Variants in TET3 observed in about 807,000 individuals in gnomAD.
TET3 encodes the protein tet methylcytosine dioxygenase 3.
Under a neutral mutation model 141.4 loss-of-function variants are expected in TET3, and 19 were observed. The ratio of observed to expected loss-of-function variants is 0.13; its 90% CI spans 0.09 to 0.20. TET3 has a LOEUF of 0.20. TET3 is among the 10% of genes least tolerant of loss of function. The pLI is 1.00. For missense variants in TET3, 1,874 were observed against 2,356.9 expected, an observed-to-expected ratio of 0.80 and a Z score of 4.24; for synonymous variants, 1,043 against 980.9, an observed-to-expected ratio of 1.06 and a Z score of -1.18.
intron 3 of TET3, among the ~76,000 whole-genome samples, chr2:74,039,170 C>T (rs1454374068): frequency 2.6e-5 from 4 of 152,192 alleles, no homozygotes; most frequent in Non-Finnish European, 4.4e-5. Flanking sequence ...CCTCCCCTGC[C>T]TTTGCGATCA....
At chr2:74,017,664 A>G (rs891937842) in intron 3 of TET3, among the ~76,000 whole-genome samples, 4 of 152,066 alleles carry the variant, frequency 2.6e-5, no homozygotes, top group African/African-American at 7.2e-5. Flanking sequence ...TCGATTCCAT[A>G]TCTTGGATGT....
chr2:74,065,939 A>T (rs1688875792), intron 4 of TET3, among the ~76,000 whole-genome samples: 1 of 151,900 alleles, frequency 6.6e-6, no homozygotes, highest in South Asian at 2.1e-4. Flanking sequence ...TTGTATTTTT[A>T]GTAGAGATGG....
chr2:74,032,160 A>G (rs529206759), intron 3 of TET3, among the ~76,000 whole-genome samples: 2 of 152,144 alleles, frequency 1.3e-5, no homozygotes, highest in Admixed American at 6.5e-5. Context: ...CTGAGCTGTC[A>G]GTGGGTTTTG....
chr2:74,110,034 G>A (rs766633783), downstream of TET3, among the ~76,000 whole-genome samples: 1 of 152,108 alleles, frequency 6.6e-6, no homozygotes, highest in Non-Finnish European at 1.5e-5. Context: ...TAAAAAAATT[G>A]CTACAGAAGT....
In TET3 at chr2:74,102,010, G is replaced by A; in HGVS notation, c.5222G>A (p.Gly1741Glu). 6.3e-7 allele frequency: 1 copy of A among 1,587,476 alleles called. No individual in the cohort carries two copies. The highest frequency in any genetic ancestry group is 1.1e-5 in the South Asian group (1 of 89,018). Residue 1741 changes from glycine (G) to glutamate (E), a missense_variant, in exon 12 of 12, where the codon GGG becomes GAG. Physicochemically the swap from Gly to Glu is moderately conservative, Grantham distance 98 (BLOSUM62 -2). Coordinates refer to ENST00000409262, the MANE Select transcript of TET3 (RefSeq NM_001287491.2). ...GGCCAGCAGGAGGCCAAGCTCTACG[G>A]GAAGAAGCGCAAGTGGGGGGGCACT... is the stretch of plus-strand genomic sequence containing the variant. ...GLGQQEAKLY[G>E]KKRKWGGTVV...
At chr2:74,012,742 G>A (rs1685525014) in intron 3 of TET3, among the ~76,000 whole-genome samples, 1 of 152,206 alleles carries the variant, frequency 6.6e-6, no homozygotes, top group East Asian at 1.9e-4. Flanking sequence ...CCACTTTAAT[G>A]TGAATGACTC....
At chr2:74,113,006 C>CAAAAAAAA (rs60299737), downstream of TET3, among the ~76,000 whole-genome samples, 6 of 34,396 alleles carry the variant, frequency 1.7e-4, 1 homozygote, top group South Asian at 1.5e-3. Flanking sequence ...GACTCCGTCT[C>CAAAAAAAA]AAAAAAAAAA....
chr2:74,130,972 G>A, the TET3 span: 1 of 152,176 alleles, frequency 6.6e-6, no homozygotes, highest in Non-Finnish European at 1.5e-5. Context: ...TAGCCCCATC[G>A]AGGGAAAAGG....
chr2:74,047,762 G>A lies in TET3; in HGVS notation c.1845G>A (p.Arg615=), dbSNP rs1282879269. The part of the protein sequence containing the change: ...KPIQIKKSRP[R]EAQPLFPPVR... Reference sequence around the variant, plus strand: ...TTCAGATCAAGAAGTCCAGGCCCCGGGAAGCACAGCCCCTCTTCCCACCTG... The same window carrying A: ...TTCAGATCAAGAAGTCCAGGCCCCGAGAAGCACAGCCCCTCTTCCCACCTG... The change falls in exon 4 of 12, where the codon CGG becomes CGA. Residue 615 remains arginine (R), a synonymous_variant. Coordinates refer to ENST00000409262, the MANE Select transcript of TET3 (RefSeq NM_001287491.2). 1 of 1,613,764 alleles carries A rather than the reference G, an allele frequency of 6.2e-7. No homozygotes were observed. Among genetic ancestry groups the A allele is most frequent in the South Asian group, 1.1e-5 (1 of 91,040 alleles).
At chr2:74,016,556 T>C (rs1294575733) in intron 3 of TET3, among the ~76,000 whole-genome samples, 2 of 151,990 alleles carry the variant, frequency 1.3e-5, no homozygotes, top group Admixed American at 1.3e-4. Context: ...ACTTTGTCTC[T>C]ACTAAAAATA....
In TET3 at chr2:74,011,883, A is replaced by G. The variant is rs76585336; in HGVS notation, c.360+8717A>G. The stretch of plus-strand genomic sequence containing the variant: ...CGAGACCCTCATCTCTACCAAAAGG[A>G]AAAAAAAAAAAGAAAGGGAGCAAAA... On this transcript the variant is annotated intron_variant, in intron 3 of 11. Transcript: ENST00000409262. Among the ~76,000 whole-genome samples, 183 of 145,868 alleles carry G rather than the reference A, an allele frequency of 1.3e-3. 1 individual carries two copies. Among genetic ancestry groups the G allele is most frequent in the African/African-American group, 4.2e-3 (170 of 40,112 alleles).
chr2:73,989,802 A>G (rs1684235715), intron 2 of TET3, among the ~76,000 whole-genome samples: 2 of 152,042 alleles, frequency 1.3e-5, no homozygotes, highest in Non-Finnish European at 2.9e-5. Context: ...CTGAGTAGAA[A>G]AGTAGGGTTT....
Position 74,101,634 on chromosome 2 carries a change from C to T in TET3, c.4846C>T (p.Pro1616Ser), listed in dbSNP as rs764975149. ...FSLEEGPAEE[P>S]PSKGAVKEEK... ...CCTGGAGGAGGGGCCGGCTGAGGAG[C>T]CCCCCAGCAAGGGAGCGGTGAAGGA... The change falls in exon 12 of 12, where the codon CCC becomes TCC. Residue 1616 changes from proline to serine, a missense_variant. Pro to Ser is a moderately conservative substitution (Grantham distance 74, BLOSUM62 -1). Transcript: ENST00000409262. This position sits in a 1 kb window ranked among gnomAD's most constrained non-coding sequence, Gnocchi z 8.5. 6.2e-6 allele frequency: 10 copies of T among 1,613,192 alleles called. No homozygotes were observed. The highest frequency in any genetic ancestry group is 7.6e-6 in the Non-Finnish European group (9 of 1,179,630).
At chr2:74,077,634 T>G (rs1689583744) in intron 5 of TET3, among the ~76,000 whole-genome samples, 1 of 152,208 alleles carries the variant, frequency 6.6e-6, no homozygotes, top group African/African-American at 2.4e-5. Context: ...GTTTTTGTTT[T>G]TGTTTTTTTA....
chr2:74,003,558 G>A (rs1294551132), intron 3 of TET3, among the ~76,000 whole-genome samples: 2 of 148,392 alleles, frequency 1.3e-5, no homozygotes, highest in Non-Finnish European at 3.0e-5. Flanking sequence ...GGTGTGCGGG[G>A]AGGGGGGGTG....
intron 3 of TET3, among the ~76,000 whole-genome samples, chr2:74,035,435 G>T (rs1335499411): frequency 6.9e-6 from 1 of 144,848 alleles, no homozygotes; most frequent in Non-Finnish European, 1.5e-5. Flanking sequence ...CTGCACTCCA[G>T]CCTGGGCAAC....
At position 74,101,585 on chromosome 2, in the gene TET3, G is replaced by C. The variant is rs929769432; in HGVS notation, c.4797G>C (p.Glu1599Asp). The part of the protein sequence containing the change: ...SEKLFGALKS[E>D]EKLWDPFSLE... ...AGCTGTTTGGGGCTCTGAAGTCAGA[G>C]GAGAAGCTGTGGGACCCCTTCAGCC... is the stretch of plus-strand genomic sequence containing the variant. The change falls in exon 12 of 12, where the codon GAG becomes GAC. Residue 1599 changes from glutamate to aspartate, a missense_variant. Glu to Asp is a conservative substitution (Grantham distance 45, BLOSUM62 2). This residue lies in a region of TET3 where 602 missense variants were observed against 590.2 expected (regional missense o/e 1.02). Coordinates refer to ENST00000409262, the MANE Select transcript of TET3 (RefSeq NM_001287491.2). This position sits in a 1 kb window ranked among gnomAD's most constrained non-coding sequence, Gnocchi z 8.5. The C allele has an allele frequency of 6.2e-7, 1 of 1,609,876 alleles. No homozygotes were observed. The highest frequency in any genetic ancestry group is 1.1e-5 in the South Asian group (1 of 90,676).
chr2:74,100,377 C>T lies in TET3; in HGVS notation c.3605-16C>T. The T allele has an allele frequency of 6.4e-7, 1 of 1,552,624 alleles. No individual in the cohort carries two copies. The highest frequency in any genetic ancestry group is 8.7e-7 in the Non-Finnish European group (1 of 1,146,910). The stretch of plus-strand genomic sequence containing the variant: ...TGTTGTCTGCCCCTCTGCCATCTTG[C>T]CTTCTGTTTCCCCAGGCCTGTCTCT... On this transcript the variant is annotated splice_polypyrimidine_tract_variant and intron_variant, in intron 11 of 11. Coordinates refer to ENST00000409262, the MANE Select transcript of TET3 (RefSeq NM_001287491.2).
At position 74,106,201 on chromosome 2, in the gene TET3, C is replaced by T. The variant is rs1691495817; in HGVS notation, c.*4025C>T. ...GTTGTATTGTTCTTCCCTTGGTGGCCAAACAAAGCAAGTCGAGAAGGCAGC... is the reference window on the plus strand; with the variant it reads ...GTTGTATTGTTCTTCCCTTGGTGGCTAAACAAAGCAAGTCGAGAAGGCAGC... On this transcript the variant is annotated 3_prime_UTR_variant, in exon 12 of 12. Transcript: ENST00000409262. 6.6e-6 allele frequency: 1 copy of T among 152,100 alleles called. No homozygotes were observed. The highest frequency in any genetic ancestry group is 1.5e-5 in the Non-Finnish European group (1 of 68,058). The allele number at this position is 152,100 out of a possible 1,614,324, so 9.4% of individuals were successfully genotyped here. A position where few individuals can be genotyped will look rare whatever the true frequency, so the allele number is the denominator to read the frequency against.
Sources: gnomAD v4.1 joint callset for allele counts (sites outside exome capture counted in the v4.1 genomes callset) on GRCh38, gnomAD v4.1.1 for gene constraint, gnomAD v4.1.1 regional missense constraint, Gnocchi (gnomAD v3.1) non-coding constraint, MANE v1.5 for transcripts, NCBI Gene and HGNC (gene_info 2026-07-23, HGNC 2026-07-21) for gene names.